TENM2: variants seen among roughly 807,000 people sequenced by gnomAD.
TENM2 encodes teneurin transmembrane protein 2.
TENM2 carries 52 observed loss-of-function variants against 245.2 expected under a neutral mutation model. That is an observed-to-expected ratio of 0.21 (90% confidence interval 0.17 to 0.27). TENM2 has a LOEUF of 0.27. Among genes scored for constraint, TENM2 ranks in the 10% least tolerant of loss-of-function variants. TENM2 has a pLI of 1.00. For missense variants in TENM2, 3,046 were observed against 3,666.8 expected (o/e 0.83, Z 4.37); for synonymous variants, 1,363 against 1,438.9 (o/e 0.95, Z 1.19).
the TENM2 span, among the ~76,000 whole-genome samples, chr5:167,133,886 A>G: frequency 6.6e-6 from 1 of 152,182 alleles, no homozygotes; most frequent in Non-Finnish European, 1.5e-5. Context: ...ATAGGGCCAC[A>G]AAATTTGTAA....
the TENM2 span, among the ~76,000 whole-genome samples, chr5:167,124,962 C>T: frequency 2.8e-4 from 42 of 152,222 alleles, 1 homozygote; most frequent in South Asian, 8.1e-3. Context: ...TTGAAAAATA[C>T]GTTATTTCCC....
chr5:167,526,360 G>A (rs866371910), intron 2 of TENM2, among the ~76,000 whole-genome samples: 1 of 144,050 alleles, frequency 6.9e-6, no homozygotes, highest in Non-Finnish European at 1.5e-5. Context: ...TTAAGAAATA[G>A]CACACACACA....
chr5:167,892,641 A>G (rs1762080702), intron 3 of TENM2, among the ~76,000 whole-genome samples: 1 of 152,214 alleles, frequency 6.6e-6, no homozygotes, highest in Non-Finnish European at 1.5e-5. Context: ...AGCAGCTTGA[A>G]AAGTGTGTAC....
At chr5:167,653,563 T>C (rs1284210989) in intron 2 of TENM2, 1 of 152,198 alleles carries the variant, frequency 6.6e-6, no homozygotes, top group East Asian at 1.9e-4. Flanking sequence ...TGCTGGTTTT[T>C]AATATTCAGT....
chr5:167,860,950 T>G (rs1251626883), intron 2 of TENM2, among the ~76,000 whole-genome samples: 1 of 127,794 alleles, frequency 7.8e-6, no homozygotes, highest in African/African-American at 3.0e-5. Flanking sequence ...GAGACCTTTG[T>G]TCACTTGTTT....
At chr5:168,215,770 A>G (rs1320737439) in intron 21 of TENM2, among the ~76,000 whole-genome samples, 2 of 152,244 alleles carry the variant, frequency 1.3e-5, no homozygotes, top group Non-Finnish European at 2.9e-5. Flanking sequence ...GAGATTTCTG[A>G]CTGCTGCCAG....
the TENM2 span, among the ~76,000 whole-genome samples, chr5:167,141,670 C>T: frequency 5.9e-5 from 9 of 152,208 alleles, no homozygotes; most frequent in South Asian, 6.2e-4. Context: ...AGGTGTCTTT[C>T]CTTCAATGTT....
At chr5:167,922,865 C>T (rs1237714671) in intron 3 of TENM2, among the ~76,000 whole-genome samples, 1 of 152,210 alleles carries the variant, frequency 6.6e-6, no homozygotes, top group African/African-American at 2.4e-5. Context: ...ATTGCTCCTC[C>T]TAGACCAGGA....
the TENM2 span, among the ~76,000 whole-genome samples, chr5:167,214,424 G>A: frequency 2.6e-5 from 4 of 152,086 alleles, no homozygotes; most frequent in Admixed American, 1.3e-4. Flanking sequence ...AGCCTTTTGC[G>A]AGCTAATGAA....
chr5:168,259,790 T>G (rs918290366), intron 27 of TENM2, among the ~76,000 whole-genome samples: 1 of 152,226 alleles, frequency 6.6e-6, no homozygotes, highest in Admixed American at 6.5e-5. Flanking sequence ...CTAAACACAC[T>G]GCGTGGCCTG....
At chr5:167,614,846 C>G (rs977253670) in intron 2 of TENM2, among the ~76,000 whole-genome samples, 2 of 152,068 alleles carry the variant, frequency 1.3e-5, no homozygotes, top group East Asian at 3.9e-4. Context: ...ACATCAATCC[C>G]GCATCCCCTT....
chr5:167,834,542 T>C (rs1002855636), intron 2 of TENM2, among the ~76,000 whole-genome samples: 4 of 152,198 alleles, frequency 2.6e-5, no homozygotes, highest in Non-Finnish European at 5.9e-5. Flanking sequence ...TGGTTAGTGC[T>C]GTGAGTAGCA....
the TENM2 span, among the ~76,000 whole-genome samples, chr5:167,200,527 G>T: frequency 6.6e-6 from 1 of 152,088 alleles, no homozygotes; most frequent in African/African-American, 2.4e-5. Flanking sequence ...ACTTGGAAAA[G>T]AAGTGGGAGT....
At chr5:167,514,297 A>G (rs1445405055) in intron 2 of TENM2, among the ~76,000 whole-genome samples, 2 of 152,182 alleles carry the variant, frequency 1.3e-5, no homozygotes, top group Non-Finnish European at 2.9e-5. Context: ...GTGAACAGCC[A>G]GTTATGAACA....
At chr5:167,187,532 C>A in the TENM2 span, among the ~76,000 whole-genome samples, 15 of 152,204 alleles carry the variant, frequency 9.9e-5, no homozygotes, top group Admixed American at 2.0e-4. Context: ...GACTTGGGGT[C>A]TGGATGGCAT....
the TENM2 span, among the ~76,000 whole-genome samples, chr5:167,098,416 A>G: frequency 6.6e-6 from 1 of 152,218 alleles, no homozygotes; most frequent in African/African-American, 2.4e-5. Context: ...AGCTTCACAG[A>G]TACAACAAAC....
intron 2 of TENM2, among the ~76,000 whole-genome samples, chr5:167,874,755 T>C (rs977415206): frequency 6.6e-6 from 1 of 152,192 alleles, no homozygotes; most frequent in Non-Finnish European, 1.5e-5. Flanking sequence ...CTCCCTGCCA[T>C]GTGAAGGAGA....
chr5:167,453,196 A>C, intron 2 of TENM2, among the ~76,000 whole-genome samples: 1 of 151,808 alleles, frequency 6.6e-6, no homozygotes, highest in East Asian at 1.9e-4. Flanking sequence ...TGAGTAAAAT[A>C]GAAAATAGGA....
the TENM2 span, among the ~76,000 whole-genome samples, chr5:167,259,020 A>C: frequency 1.3e-5 from 2 of 152,208 alleles, no homozygotes; most frequent in Non-Finnish European, 2.9e-5. Flanking sequence ...TGTTAAACAC[A>C]GAGTGCAGGG....
Sources: gnomAD v4.1 joint callset for allele counts (sites outside exome capture counted in the v4.1 genomes callset) on GRCh38, gnomAD v4.1.1 for gene constraint, MANE v1.5 for transcripts, NCBI Gene and HGNC (gene_info 2026-07-23, HGNC 2026-07-21) for gene names.